PTK2: variants seen among roughly 807,000 people sequenced by gnomAD.
The protein encoded by PTK2 is focal adhesion kinase 1.
In PTK2, 45 loss-of-function variants were observed where a neutral mutation model predicts 150.1. The observed-to-expected ratio is 0.30, with a 90% CI of 0.24 to 0.38. The LOEUF is 0.38. PTK2 is among the 10% of genes least tolerant of loss of function. The pLI is 1.00. For missense variants in PTK2, 919 were observed against 1,307.3 expected, an observed-to-expected ratio of 0.70 and a Z score of 4.58; for synonymous variants, 432 against 449.2, an observed-to-expected ratio of 0.96 and a Z score of 0.48.
chr8:140,954,258 G>C (rs1466019171), intron 1 of PTK2, among the ~76,000 whole-genome samples: 2 of 152,096 alleles, frequency 1.3e-5, no homozygotes, highest in Non-Finnish European at 2.9e-5. Context: ...GTGATTACAG[G>C]CATGAGCCAC....
intron 2 of PTK2, among the ~76,000 whole-genome samples, chr8:140,895,812 CAA>C (rs2100155967): frequency 6.6e-6 from 1 of 152,044 alleles, no homozygotes; most frequent in Non-Finnish European, 1.5e-5. Context: ...ATGCCTATAT[CAA>C]AACGTCTCAT....
chr8:140,728,934 T>G (rs1199870424), intron 22 of PTK2, among the ~76,000 whole-genome samples: 1 of 152,190 alleles, frequency 6.6e-6, no homozygotes, highest in African/African-American at 2.4e-5. Flanking sequence ...TTTGAAAAAT[T>G]GATACACGCA....
intron 5 of PTK2, among the ~76,000 whole-genome samples, chr8:140,854,364 A>G (rs2100131226): frequency 6.6e-6 from 1 of 152,250 alleles, no homozygotes; most frequent in African/African-American, 2.4e-5. Flanking sequence ...TTGACTAAAC[A>G]TGGACACTGG....
At chr8:140,943,635 A>G (rs1253897793) in intron 1 of PTK2, among the ~76,000 whole-genome samples, 1 of 152,242 alleles carries the variant, frequency 6.6e-6, no homozygotes, top group Non-Finnish European at 1.5e-5. Context: ...GTTCAACTTC[A>G]TAAGAAAGTG....
chr8:140,888,753 G>A (rs1033550031), intron 3 of PTK2, among the ~76,000 whole-genome samples: 2 of 141,712 alleles, frequency 1.4e-5, no homozygotes, highest in African/African-American at 2.4e-5. Flanking sequence ...GTCTTCTGAT[G>A]TAAGTCTTGA....
At chr8:140,837,415 T>C (rs930490565) in intron 7 of PTK2, among the ~76,000 whole-genome samples, 6 of 152,190 alleles carry the variant, frequency 3.9e-5, no homozygotes, top group African/African-American at 1.4e-4. Context: ...GTGGTAGTAG[T>C]AGTACTAGTA....
intron 7 of PTK2, among the ~76,000 whole-genome samples, chr8:140,838,160 T>C (rs1381272995): frequency 1.3e-5 from 2 of 152,196 alleles, no homozygotes; most frequent in Admixed American, 1.3e-4. Context: ...ATAAATTATG[T>C]GGAACATATC....
At chr8:140,911,991 G>A (rs148781011) in intron 2 of PTK2, among the ~76,000 whole-genome samples, 154 of 152,240 alleles carry the variant, frequency 1.0e-3, no homozygotes, top group African/African-American at 3.5e-3. Flanking sequence ...CAAGCACTTT[G>A]GGAGCCTGAG....
rs577117782 is a variant in PTK2 at position 140,835,163 on chromosome 8, T to C, written c.594-4637A>G. ...TGGCCTTATCCTGCACGTGTATTCA[T>C]ATCCACAAATTCATAACACAGCTGG... On this transcript the variant is annotated intron_variant, in intron 7 of 31. Transcript: ENST00000522684. 2.1e-4 allele frequency among the ~76,000 whole-genome samples: 32 copies of C among 152,342 alleles called. No individual in the cohort carries two copies. The South Asian group carries it at 5.8e-3, about 28-fold the overall frequency.
rs185085714 is a variant in PTK2 at position 140,847,386 on chromosome 8, T to C, written c.451-708A>G. Reference sequence around the variant, plus strand: ...AATGCCTTCTAAACAATGAATCAACTCAATTTTAAAAGCCGATAAGAGTGA... The same window carrying C: ...AATGCCTTCTAAACAATGAATCAACCCAATTTTAAAAGCCGATAAGAGTGA... On this transcript the variant is annotated intron_variant, in intron 5 of 31. Transcript: ENST00000522684. Among the ~76,000 whole-genome samples, 5 of 152,296 alleles carry C rather than the reference T, an allele frequency of 3.3e-5. No individual in the cohort carries two copies. In the South Asian group the frequency reaches 8.3e-4, roughly 25 times the overall value.
intron 23 of PTK2, among the ~76,000 whole-genome samples, chr8:140,717,179 A>T (rs1306300502): frequency 6.6e-6 from 1 of 152,256 alleles, no homozygotes; most frequent in Non-Finnish European, 1.5e-5. Flanking sequence ...TCAACAAACA[A>T]AACAAAGGAA....
At chr8:140,971,200 T>C (rs149612518) in intron 1 of PTK2, among the ~76,000 whole-genome samples, 2 of 152,224 alleles carry the variant, frequency 1.3e-5, no homozygotes, top group South Asian at 4.1e-4. Context: ...TGCATGATAA[T>C]AACTGGTGAT....
intron 16 of PTK2, among the ~76,000 whole-genome samples, chr8:140,753,732 C>G (rs922107699): frequency 1.4e-4 from 22 of 152,172 alleles, no homozygotes; most frequent in African/African-American, 5.3e-4. Context: ...ATACATAACA[C>G]AGAGATAATA....
At chr8:140,921,824 T>TA (rs1490927767) in intron 2 of PTK2, among the ~76,000 whole-genome samples, 2 of 152,204 alleles carry the variant, frequency 1.3e-5, no homozygotes, top group East Asian at 3.8e-4. Context: ...AGCAACTTTT[T>TA]AAAATGCAGA....
intron 1 of PTK2, among the ~76,000 whole-genome samples, chr8:140,965,651 T>C (rs1178363211): frequency 1.3e-5 from 2 of 152,088 alleles, no homozygotes; most frequent in Non-Finnish European, 2.9e-5. Context: ...CTAGGGCAGG[T>C]GGATCACCTG....
At chr8:140,746,892 C>CAT in intron 17 of PTK2, 32 bp from the exon 21 acceptor site, 4 of 989,542 alleles carry the variant, frequency 4.0e-6, no homozygotes, top group Non-Finnish European at 5.7e-6. Context: ...GTTATTCTTT[C>CAT]TTTTTTTTTT....
intron 29 of PTK2, 40 bp downstream of exon 33, chr8:140,669,687 G>A: frequency 6.5e-7 from 1 of 1,527,448 alleles, no homozygotes; most frequent in Non-Finnish European, 8.8e-7. Flanking sequence ...GGGTGTGATA[G>A]AGAGAGCTGG....
intron 1 of PTK2, among the ~76,000 whole-genome samples, chr8:140,966,105 A>C (rs931376609): frequency 6.6e-6 from 1 of 152,024 alleles, no homozygotes; most frequent in Admixed American, 6.6e-5. Context: ...TTATTCTGAC[A>C]CTCTTGGAAC....
chr8:140,686,527 T>TC (rs1343484246), intron 27 of PTK2, 105 bp downstream of exon 30: 15 of 882,170 alleles, frequency 1.7e-5, no homozygotes, highest in Non-Finnish European at 1.9e-6. Context: ...AATATTCTGT[T>TC]CCCTATTACA....
Sources: gnomAD v4.1 joint callset for allele counts (sites outside exome capture counted in the v4.1 genomes callset) on GRCh38, gnomAD v4.1.1 for gene constraint, MANE v1.5 for transcripts, NCBI Gene and HGNC (gene_info 2026-07-23, HGNC 2026-07-21) for gene names.